Variants in RNLS observed in about 807,000 individuals in gnomAD.
RNLS encodes the protein renalase.
RNLS carries 39 observed loss-of-function variants against 39.8 expected under a neutral mutation model. That is an observed-to-expected ratio of 0.98 (90% CI 0.76 to 1.28). The LOEUF (loss-of-function observed/expected upper bound fraction) is 1.28. Among genes scored for constraint, RNLS ranks in the 50% most tolerant of loss-of-function variants. RNLS has a pLI of 0.00. For synonymous variants in RNLS, 147 were observed against 150.7 expected (o/e 0.98, Z 0.18); for missense variants, 410 against 413.3 (o/e 0.99, Z 0.07).
chr10:88,217,172 G>A, the RNLS span, among the ~76,000 whole-genome samples: 7 of 152,110 alleles, frequency 4.6e-5, no homozygotes, highest in African/African-American at 1.4e-4. Context: ...CCTGCTGGGC[G>A]GCACTCTCAA....
chr10:88,438,606 T>C (rs1841541434), intron 4 of RNLS, among the ~76,000 whole-genome samples: 1 of 152,220 alleles, frequency 6.6e-6, no homozygotes, highest in Non-Finnish European at 1.5e-5. Context: ...TCAGATCCTT[T>C]CTTTCCCTCT....
chr10:88,225,951 T>G, the RNLS span, among the ~76,000 whole-genome samples: 2 of 152,318 alleles, frequency 1.3e-5, no homozygotes, highest in Non-Finnish European at 1.5e-5. Flanking sequence ...TAGGAAAACT[T>G]TGCTGTGAAA....
intron 4 of RNLS, among the ~76,000 whole-genome samples, chr10:88,375,045 T>A (rs1850869421): frequency 6.6e-6 from 1 of 152,130 alleles, no homozygotes; most frequent in African/African-American, 2.4e-5. Context: ...TATATCCTTT[T>A]AAAATTTCCA....
chr10:88,311,502 C>T (rs1033165841), intron 6 of RNLS, among the ~76,000 whole-genome samples: 1 of 152,142 alleles, frequency 6.6e-6, no homozygotes, highest in Non-Finnish European at 1.5e-5. Flanking sequence ...TTGTTTGAAC[C>T]ACCTACTCAA....
the RNLS span, among the ~76,000 whole-genome samples, chr10:88,174,600 G>A: frequency 6.6e-5 from 10 of 152,152 alleles, no homozygotes; most frequent in Admixed American, 6.5e-4. Flanking sequence ...GCATTCCTGA[G>A]TTAAATCTCA....
At chr10:88,250,011 T>G in the RNLS span, among the ~76,000 whole-genome samples, 1 of 152,206 alleles carries the variant, frequency 6.6e-6, no homozygotes, top group Middle Eastern at 3.2e-3. Flanking sequence ...GTGTTTTCTG[T>G]TTTTCCAGTT....
At position 88,285,233 on chromosome 10, in the gene RNLS, T is replaced by A; in HGVS notation, c.*121A>T. 6 of 1,391,660 alleles carry A rather than the reference T, an allele frequency of 4.3e-6. No homozygotes were observed. The South Asian group carries it at 1.1e-4, about 25-fold the overall frequency. 86.2% of individuals were successfully genotyped at this position (1,391,660 alleles called of 1,614,324 possible). A position where few individuals can be genotyped will look rare whatever the true frequency, so the allele number is the denominator to read the frequency against. On this transcript the variant is annotated 3_prime_UTR_variant, in exon 7 of 7. Coordinates refer to ENST00000331772, the MANE Select transcript of RNLS (RefSeq NM_001031709.3). Reference sequence around the variant, plus strand: ...ATTTTATACTCCACATGAAAAATGATAATAAGTGAAGAACAATTTTCCAGT... The same window carrying A: ...ATTTTATACTCCACATGAAAAATGAAAATAAGTGAAGAACAATTTTCCAGT...
At position 88,573,067 on chromosome 10, in the gene RNLS, C is replaced by T; in HGVS notation, c.368-6G>A. 1 of 1,611,780 alleles carries T rather than the reference C, an allele frequency of 6.2e-7. No individual in the cohort carries two copies. Among genetic ancestry groups the T allele is most frequent in the Non-Finnish European group, 8.5e-7 (1 of 1,178,566 alleles). The stretch of plus-strand genomic sequence containing the variant: ...TCTGAAGTAGACTTCTGCACCTGTT[C>T]CAAAAGCAAAATCATGTCCCCATTA... On this transcript the variant is annotated splice_region_variant and splice_polypyrimidine_tract_variant and intron_variant, in intron 3 of 6. Transcript: ENST00000331772.
chr10:88,493,536 T>TTAGAAAAAAA (rs1271985193), intron 4 of RNLS, among the ~76,000 whole-genome samples: 1 of 152,164 alleles, frequency 6.6e-6, no homozygotes, highest in East Asian at 1.9e-4. Context: ...AATTTGAAAG[T>TTAGAAAAAAA]TTCTCATTTT....
At chr10:88,376,801 A>AATC (rs1381545824) in intron 4 of RNLS, among the ~76,000 whole-genome samples, 4 of 152,212 alleles carry the variant, frequency 2.6e-5, no homozygotes, top group African/African-American at 9.6e-5. Context: ...GGGTAAAGTA[A>AATC]ATCAATATAA....
intron 4 of RNLS, among the ~76,000 whole-genome samples, chr10:88,517,155 A>G (rs1846448887): frequency 6.6e-6 from 1 of 152,008 alleles, no homozygotes; most frequent in African/African-American, 2.4e-5. Flanking sequence ...TACTCCTTTC[A>G]TAATGGTTGC....
intron 4 of RNLS, among the ~76,000 whole-genome samples, chr10:88,564,976 C>G (rs1016905250): frequency 2.0e-5 from 3 of 151,916 alleles, no homozygotes; most frequent in Non-Finnish European, 4.4e-5. Context: ...ATCCTAAAGG[C>G]TACATATGAT....
At chr10:88,357,297 G>A (rs1849266320) in intron 5 of RNLS, among the ~76,000 whole-genome samples, 2 of 152,226 alleles carry the variant, frequency 1.3e-5, no homozygotes, top group Non-Finnish European at 2.9e-5. Flanking sequence ...GTGGAACTGA[G>A]TTGAGTCTGG....
At chr10:88,276,468 G>A (rs1002301151) in intron 6 of RNLS, among the ~76,000 whole-genome samples, 15 of 151,828 alleles carry the variant, frequency 9.9e-5, no homozygotes, top group Admixed American at 1.3e-4. Flanking sequence ...AGTAATATAC[G>A]GTAGAATCAC....
chr10:88,196,722 A>G, the RNLS span, among the ~76,000 whole-genome samples: 1 of 152,218 alleles, frequency 6.6e-6, no homozygotes, highest in Non-Finnish European at 1.5e-5. Flanking sequence ...AGCCCAGTTT[A>G]GACGAGACAA....
the RNLS span, among the ~76,000 whole-genome samples, chr10:88,218,591 C>T: frequency 6.6e-6 from 1 of 152,158 alleles, no homozygotes; most frequent in Non-Finnish European, 1.5e-5. Context: ...CAATGGACAC[C>T]CACTGTTAGG....
the RNLS span, among the ~76,000 whole-genome samples, chr10:88,254,041 A>G: frequency 6.6e-6 from 1 of 152,366 alleles, no homozygotes; most frequent in African/African-American, 2.4e-5. Context: ...TTTAGTTATG[A>G]TCATAATATA....
intron 4 of RNLS, among the ~76,000 whole-genome samples, chr10:88,463,828 T>C (rs1320558438): frequency 3.3e-5 from 5 of 152,058 alleles, no homozygotes; most frequent in Admixed American, 3.3e-4. Flanking sequence ...TGTGTTTATC[T>C]CTGTGTGTGT....
intron 5 of RNLS, among the ~76,000 whole-genome samples, chr10:88,328,061 C>T (rs989420963): frequency 2.0e-5 from 3 of 151,982 alleles, no homozygotes; most frequent in African/African-American, 7.2e-5. Context: ...GCGTGCACCA[C>T]CATACCCAGC....
Sources: gnomAD v4.1 joint callset for allele counts (sites outside exome capture counted in the v4.1 genomes callset) on GRCh38, gnomAD v4.1.1 for gene constraint, MANE v1.5 for transcripts, NCBI Gene and HGNC (gene_info 2026-07-23, HGNC 2026-07-21) for gene names.